The following BCAS3 variants were observed in gnomAD, a reference collection of about 807,000 sequenced individuals.
BCAS3 encodes BCAS3 microtubule associated cell migration factor, also known as BCAS4/BCAS3 fusion.
BCAS3 carries 53 observed loss-of-function variants against 116.1 expected under a neutral mutation model. That is an observed-to-expected ratio of 0.46 (90% CI 0.37 to 0.57). The LOEUF (loss-of-function observed/expected upper bound fraction) is 0.57. Among genes scored for constraint, BCAS3 ranks in the 20% least tolerant of loss-of-function variants. BCAS3 has a pLI of 0.00. For missense variants in BCAS3, 917 were observed against 1,165.4 expected, an observed-to-expected ratio of 0.79 and a Z score of 3.10; for synonymous variants, 391 against 408.2, an observed-to-expected ratio of 0.96 and a Z score of 0.51.
rs1306383121 is a variant in BCAS3 at position 61,176,156 on chromosome 17, AAAAAAG to A, written c.2425+91610_2425+91615del. ...CCTATCTCAAAAAAAAAAAAAAAAA[AAAAAAG>A]AAAAAGAAAAAGAAAAAATTTGGAC... is the stretch of plus-strand genomic sequence containing the variant. On this transcript the variant is annotated intron_variant, in intron 22 of 23. Transcript: ENST00000407086. Among the ~76,000 whole-genome samples the A allele has an allele frequency of 4.1e-4, 61 of 149,798 alleles. No homozygotes were observed. The East Asian group carries it at 4.3e-3, about 10-fold the overall frequency.
rs1359876269 is a variant in BCAS3 at position 60,956,879 on chromosome 17, G to A, written c.1221+9527G>A. Among the ~76,000 whole-genome samples the A allele has an allele frequency of 6.6e-6, 1 of 152,090 alleles. No homozygotes were observed. The highest frequency in any genetic ancestry group is 2.4e-5 in the African/African-American group (1 of 41,428). On this transcript the variant is annotated intron_variant, in intron 14 of 23. Coordinates refer to ENST00000407086, the MANE Select transcript of BCAS3 (RefSeq NM_017679.5). The surrounding 1 kb of genome is among the most constrained non-coding windows in gnomAD (Gnocchi z 4.2). ...GTGAAATCTATATGTCACATGATCT[G>A]TTTGGCCCTCTTTGAGTACTACAAA...
chr17:60,684,553 C>T (rs2033743496), intron 3 of BCAS3, among the ~76,000 whole-genome samples: 1 of 151,768 alleles, frequency 6.6e-6, no homozygotes, highest in Non-Finnish European at 1.5e-5. Flanking sequence ...AATAGCCTTA[C>T]TGGGATTATC....
intron 22 of BCAS3, among the ~76,000 whole-genome samples, chr17:61,109,648 G>A (rs751720261): frequency 6.6e-6 from 1 of 152,146 alleles, no homozygotes; most frequent in African/African-American, 2.4e-5. Context: ...TCTTGCAGGA[G>A]TGAGGTGGTA....
intron 22 of BCAS3, among the ~76,000 whole-genome samples, chr17:61,121,172 G>A (rs2075770437): frequency 1.3e-5 from 2 of 152,058 alleles, no homozygotes; most frequent in African/African-American, 2.4e-5. Flanking sequence ...AATTTCAACA[G>A]TTAGATTTAC....
chr17:60,921,636 A>AC (rs2059106219), intron 12 of BCAS3, among the ~76,000 whole-genome samples: 1 of 150,870 alleles, frequency 6.6e-6, no homozygotes, highest in South Asian at 2.1e-4. Context: ...AAAAAAAAAA[A>AC]CATTGACCAC....
chr17:61,071,138 A>C (rs958091650), intron 19 of BCAS3, among the ~76,000 whole-genome samples: 10 of 152,222 alleles, frequency 6.6e-5, no homozygotes, highest in Non-Finnish European at 1.5e-4. Flanking sequence ...AAGAATTTAG[A>C]AGGATAACAA....
chr17:61,037,677 C>T lies in BCAS3; in HGVS notation c.1763-212C>T, dbSNP rs976273029. ...ATCCCAGCTACTCAAGAGGCTGAGGCGGGAGAACCATTTGAACCAGGGAGG... is the reference window on the plus strand; with the variant it reads ...ATCCCAGCTACTCAAGAGGCTGAGGTGGGAGAACCATTTGAACCAGGGAGG... On this transcript the variant is annotated intron_variant, in intron 17 of 23. Coordinates refer to ENST00000407086, the MANE Select transcript of BCAS3 (RefSeq NM_017679.5). This position sits in a 1 kb window ranked among gnomAD's most constrained non-coding sequence, Gnocchi z 4.7. 3.3e-5 allele frequency among the ~76,000 whole-genome samples: 5 copies of T among 152,022 alleles called. No homozygotes were observed. Among genetic ancestry groups the T allele is most frequent in the Admixed American group, 1.3e-4 (2 of 15,274 alleles).
At chr17:60,780,051 G>T (rs973866885) in intron 6 of BCAS3, among the ~76,000 whole-genome samples, 2 of 150,862 alleles carry the variant, frequency 1.3e-5, no homozygotes, top group African/African-American at 2.4e-5. Flanking sequence ...GTGCAGTGGC[G>T]CCATCTCGGC....
intron 6 of BCAS3, among the ~76,000 whole-genome samples, chr17:60,797,841 T>G (rs986577320): frequency 2.0e-5 from 3 of 152,052 alleles, no homozygotes; most frequent in Non-Finnish European, 4.4e-5. Context: ...AAATAGAGTT[T>G]CCCAGCCTGG....
intron 6 of BCAS3, among the ~76,000 whole-genome samples, chr17:60,753,096 A>C (rs2042638558): frequency 6.6e-6 from 1 of 152,176 alleles, no homozygotes; most frequent in Non-Finnish European, 1.5e-5. Context: ...CTCCCATCTC[A>C]GCCTCCCAGT....
Position 61,244,061 on chromosome 17 carries a change from A to G in BCAS3, c.2426-124266A>G, listed in dbSNP as rs1369962189. Among the ~76,000 whole-genome samples, 2 of 152,096 alleles carry G rather than the reference A, an allele frequency of 1.3e-5. No individual in the cohort carries two copies. Among genetic ancestry groups the G allele is most frequent in the Non-Finnish European group, 2.9e-5 (2 of 68,010 alleles). ...CCTGTCTCAGCCTCCCAAAGGGATG[A>G]GTTTTAATATGCTAATTACTTCAAG... is the stretch of plus-strand genomic sequence containing the variant. On this transcript the variant is annotated intron_variant, in intron 22 of 23. Transcript: ENST00000407086. This position sits in a 1 kb window ranked among gnomAD's most constrained non-coding sequence, Gnocchi z 4.9.
Position 61,323,538 on chromosome 17 carries a change from G to A in BCAS3, c.2426-44789G>A, listed in dbSNP as rs1379756888. 2.0e-5 allele frequency among the ~76,000 whole-genome samples: 3 copies of A among 152,234 alleles called. No homozygotes were observed. The highest frequency in any genetic ancestry group is 2.9e-5 in the Non-Finnish European group (2 of 68,048). Reference sequence around the variant, plus strand: ...GGGAGGATTGATATGGAAGAGAAAAGTTGTTGATAATGTAAAAATGCTTTG... The same window carrying A: ...GGGAGGATTGATATGGAAGAGAAAAATTGTTGATAATGTAAAAATGCTTTG... On this transcript the variant is annotated intron_variant, in intron 22 of 23. Coordinates refer to ENST00000407086, the MANE Select transcript of BCAS3 (RefSeq NM_017679.5). The surrounding 1 kb of genome is among the most constrained non-coding windows in gnomAD (Gnocchi z 4.6).
At chr17:60,814,101 C>G (rs1301248047) in intron 7 of BCAS3, among the ~76,000 whole-genome samples, 2 of 151,766 alleles carry the variant, frequency 1.3e-5, no homozygotes, top group African/African-American at 2.4e-5. Context: ...AGTATTAAAT[C>G]TATAGATTGC....
At chr17:60,777,966 G>A (rs1020060368) in intron 6 of BCAS3, among the ~76,000 whole-genome samples, 2 of 152,062 alleles carry the variant, frequency 1.3e-5, no homozygotes, top group Non-Finnish European at 2.9e-5. Context: ...TCCTAAAAAT[G>A]AACATATTTT....
chr17:60,709,359 A>G, intron 5 of BCAS3, 34 bp downstream of exon 5: 6 of 1,218,454 alleles, frequency 4.9e-6, no homozygotes, highest in Non-Finnish European at 7.2e-6. Context: ...CCTAAAACAT[A>G]CTTCCCAGCA....
At chr17:60,794,556 A>T (rs1445130940) in intron 6 of BCAS3, among the ~76,000 whole-genome samples, 1 of 152,194 alleles carries the variant, frequency 6.6e-6, no homozygotes, top group Non-Finnish European at 1.5e-5. Context: ...TTAAGTCCTT[A>T]GTCCATCTTG....
At position 61,008,467 on chromosome 17, in the gene BCAS3, G is replaced by C. The variant is rs72843602; in HGVS notation, c.1487-7284G>C. Among the ~76,000 whole-genome samples, 31 of 152,124 alleles carry C rather than the reference G, an allele frequency of 2.0e-4. No individual in the cohort carries two copies. Among genetic ancestry groups the C allele is most frequent in the Non-Finnish European group, 4.0e-4 (27 of 67,950 alleles). On this transcript the variant is annotated intron_variant, in intron 15 of 23. Coordinates refer to ENST00000407086, the MANE Select transcript of BCAS3 (RefSeq NM_017679.5). The surrounding 1 kb of genome is among the most constrained non-coding windows in gnomAD (Gnocchi z 4.6). ...AAATTGGATGGCAAGCAAGAACTAA[G>C]CAGTGTTTTTAACTTTTCAGAGCCC... is the stretch of plus-strand genomic sequence containing the variant.
chr17:60,987,565 T>C (rs2063222159), intron 14 of BCAS3, among the ~76,000 whole-genome samples: 1 of 152,082 alleles, frequency 6.6e-6, no homozygotes, highest in African/African-American at 2.4e-5. Context: ...ACTTTTTTTG[T>C]TAATCGCTAG....
chr17:61,100,341 G>A (rs1017147046), intron 22 of BCAS3, among the ~76,000 whole-genome samples: 1 of 152,134 alleles, frequency 6.6e-6, no homozygotes, highest in Non-Finnish European at 1.5e-5. Flanking sequence ...CCATGAGTCA[G>A]TACCTCAAAT....
Sources: allele counts gnomAD v4.1 joint callset (sites outside exome capture counted in the v4.1 genomes callset), GRCh38; gene constraint gnomAD v4.1.1; non-coding constraint Gnocchi (gnomAD v3.1); transcripts MANE v1.5; gene names NCBI Gene and HGNC (gene_info 2026-07-23, HGNC 2026-07-21).